The following SPAG17 variants were observed in gnomAD, a reference collection of about 807,000 sequenced individuals.
The protein encoded by SPAG17 is sperm-associated antigen 17.
Under a neutral mutation model 273.6 loss-of-function variants are expected in SPAG17, and 169 were observed. The observed-to-expected ratio is 0.62, with a 90% CI of 0.55 to 0.70. SPAG17 has a LOEUF of 0.70. SPAG17 is among the 30% of genes least tolerant of loss of function. The pLI is 0.00. For missense variants in SPAG17, 2,557 were observed against 2,627.8 expected (o/e 0.97, Z 0.59); for synonymous variants, 825 against 873.2 (o/e 0.94, Z 0.97).
At chr1:117,999,671 GTTGT>G (rs1205498421) in intron 32 of SPAG17, among the ~76,000 whole-genome samples, 1 of 151,572 alleles carries the variant, frequency 6.6e-6, no homozygotes, top group Non-Finnish European at 1.5e-5. Flanking sequence ...TTTTGATGGG[GTTGT>G]TTTTTTCTTG....
At chr1:118,182,080 C>T (rs1297792569) in intron 1 of SPAG17, among the ~76,000 whole-genome samples, 1 of 132,232 alleles carries the variant, frequency 7.6e-6, no homozygotes, top group Non-Finnish European at 1.7e-5. Flanking sequence ...AACCCAAGTG[C>T]CCATCAATGA....
intron 42 of SPAG17, among the ~76,000 whole-genome samples, 187 bp from the exon 43 acceptor site, chr1:117,981,588 T>C (rs1265063759): frequency 5.9e-5 from 9 of 152,204 alleles, no homozygotes; most frequent in Admixed American, 5.9e-4. Flanking sequence ...AAATATGATA[T>C]AATGTTTGCC....
At chr1:118,044,053 C>T (rs1464850443) in intron 20 of SPAG17, among the ~76,000 whole-genome samples, 1 of 152,048 alleles carries the variant, frequency 6.6e-6, no homozygotes, top group East Asian at 1.9e-4. Flanking sequence ...ATGGAATTTA[C>T]ATAAATAATA....
At chr1:118,013,211 A>G (rs187832245) in intron 29 of SPAG17, among the ~76,000 whole-genome samples, 87 of 152,320 alleles carry the variant, frequency 5.7e-4, no homozygotes, top group African/African-American at 2.0e-3. Context: ...AACTTACACT[A>G]TTCTAACTCT....
chr1:117,973,941 A>G (rs1053908455), intron 43 of SPAG17, among the ~76,000 whole-genome samples: 2 of 152,098 alleles, frequency 1.3e-5, no homozygotes, highest in African/African-American at 4.8e-5. Flanking sequence ...TCTGTCATTA[A>G]TCTTCTTAGA....
At chr1:118,094,200 C>G (rs1457749258) in intron 7 of SPAG17, among the ~76,000 whole-genome samples, 1 of 152,192 alleles carries the variant, frequency 6.6e-6, no homozygotes, top group Non-Finnish European at 1.5e-5. Context: ...AAGCTTCAAT[C>G]TGGTATTGCT....
At chr1:118,122,504 A>G (rs968192686) in intron 3 of SPAG17, among the ~76,000 whole-genome samples, 4 of 152,184 alleles carry the variant, frequency 2.6e-5, no homozygotes, top group African/African-American at 4.8e-5. Context: ...AACATCTACA[A>G]TGGTGGCACT....
At chr1:118,029,768 C>T (rs1337605760) in intron 25 of SPAG17, among the ~76,000 whole-genome samples, 1 of 152,166 alleles carries the variant, frequency 6.6e-6, no homozygotes, top group Non-Finnish European at 1.5e-5. Context: ...ACCAAAATCA[C>T]TCCACCGGTA....
chr1:118,125,023 T>C (rs1353543301), intron 3 of SPAG17, among the ~76,000 whole-genome samples: 2 of 152,086 alleles, frequency 1.3e-5, no homozygotes, highest in East Asian at 1.9e-4. Context: ...GCCCAGGTTT[T>C]TATGTTTAAA....
intron 47 of SPAG17, chr1:117,966,321 G>T: frequency 4.2e-6 from 1 of 239,478 alleles, no homozygotes. Context: ...ATTTTTTTGT[G>T]ATAGATACTT....
chr1:118,166,402 A>T (rs1167046805), intron 1 of SPAG17, among the ~76,000 whole-genome samples: 1 of 152,246 alleles, frequency 6.6e-6, no homozygotes, highest in Non-Finnish European at 1.5e-5. Flanking sequence ...GACAAAGGTA[A>T]GGTTAATTGG....
At chr1:118,074,024 C>T (rs754988017) in intron 16 of SPAG17, 57 bp from the exon 17 acceptor site, 57 of 1,266,814 alleles carry the variant, frequency 4.5e-5, no homozygotes, top group Non-Finnish European at 6.1e-5. Context: ...CAAATGGAGC[C>T]CTCTTGGGCT....
At chr1:118,132,412 G>T (rs1175672075) in intron 3 of SPAG17, among the ~76,000 whole-genome samples, 1 of 152,146 alleles carries the variant, frequency 6.6e-6, no homozygotes, top group Admixed American at 6.5e-5. Flanking sequence ...TGATACTGGA[G>T]GGAGGTAACC....
chr1:117,997,566 T>TAAAAAAAAAAAAAAAAAAAA (rs11428560), intron 32 of SPAG17, among the ~76,000 whole-genome samples: 1 of 123,386 alleles, frequency 8.1e-6, no homozygotes, highest in African/African-American at 2.9e-5. Context: ...GAATGAGAAG[T>TAAAAAAAAAAAAAAAAAAAA]AAAAAAAAAA....
At chr1:117,984,652 TATTAG>T in intron 41 of SPAG17, 26 bp downstream of exon 41, 9 of 1,369,524 alleles carry the variant, frequency 6.6e-6, no homozygotes, top group Non-Finnish European at 9.2e-6. Flanking sequence ...TAAAAACTTT[TATTAG>T]ATTATAGTTC....
intron 3 of SPAG17, among the ~76,000 whole-genome samples, chr1:118,117,682 G>A (rs1657169992): frequency 6.6e-6 from 1 of 152,162 alleles, no homozygotes. Flanking sequence ...GCCCTGGGTG[G>A]TGTCCTCCTC....
At chr1:118,000,340 T>A (rs1297716678) in intron 32 of SPAG17, among the ~76,000 whole-genome samples, 1 of 152,228 alleles carries the variant, frequency 6.6e-6, no homozygotes, top group Non-Finnish European at 1.5e-5. Flanking sequence ...TTTAAAGTAG[T>A]TTTTTCCAAT....
chr1:118,033,970 T>C (rs2101894492), intron 24 of SPAG17, among the ~76,000 whole-genome samples: 1 of 152,338 alleles, frequency 6.6e-6, no homozygotes, highest in Middle Eastern at 3.4e-3. Context: ...CCTTGTTCAT[T>C]AGACAGTGAG....
intron 22 of SPAG17, among the ~76,000 whole-genome samples, chr1:118,040,291 TAGTA>T (rs2101922794): frequency 6.6e-6 from 1 of 152,228 alleles, no homozygotes; most frequent in African/African-American, 2.4e-5. Flanking sequence ...ATGCAAATCT[TAGTA>T]AGAGCTACAA....
Sources: allele counts gnomAD v4.1 joint callset (sites outside exome capture counted in the v4.1 genomes callset), GRCh38; gene constraint gnomAD v4.1.1; transcripts MANE v1.5; gene names NCBI Gene and HGNC (gene_info 2026-07-23, HGNC 2026-07-21).